Variants in TSPAN14 observed in about 807,000 individuals in gnomAD.
TSPAN14 encodes the protein tetraspanin 14, also known as tetraspanin-14.
TSPAN14 carries 16 observed loss-of-function variants against 36.6 expected under a neutral mutation model. That is an observed-to-expected ratio of 0.44 (90% CI 0.30 to 0.66). TSPAN14 has a LOEUF of 0.66. Ranked by LOEUF, TSPAN14 falls within the 30% of genes least tolerant of loss-of-function variation. The probability of loss-of-function intolerance (pLI) is 0.12; values close to 1 mark genes in which losing one functional copy is unlikely to be tolerated. For missense variants in TSPAN14, 231 were observed against 355.1 expected (o/e 0.65, Z 2.81); for synonymous variants, 139 against 143.8 (o/e 0.97, Z 0.24).
chr10:80,465,515 C>T (rs1490857675), intron 1 of TSPAN14, among the ~76,000 whole-genome samples: 2 of 152,234 alleles, frequency 1.3e-5, no homozygotes, highest in Admixed American at 6.5e-5. Flanking sequence ...GGCATGGCAG[C>T]CCCCTGGCTG....
chr10:80,476,409 G>GTTTTTTTTTTTTTTTTTTTTTTTTTTTT, intron 1 of TSPAN14, among the ~76,000 whole-genome samples: 1 of 85,046 alleles, frequency 1.2e-5, no homozygotes, highest in African/African-American at 4.2e-5. Flanking sequence ...TTGTTTTACT[G>GTTTTTTTTTTTTTTTTTTTTTTTTTTTT]TTTTTTTTTT....
chr10:80,498,063 A>G (rs895149207), intron 2 of TSPAN14, among the ~76,000 whole-genome samples: 3 of 152,214 alleles, frequency 2.0e-5, no homozygotes, highest in Non-Finnish European at 2.9e-5. Flanking sequence ...CACAGGACAG[A>G]TAACTGCAGC....
At chr10:80,504,607 C>CT (rs1840187050) in intron 2 of TSPAN14, 121 bp from the exon 3 acceptor site, 4 of 1,139,094 alleles carry the variant, frequency 3.5e-6, no homozygotes, top group Non-Finnish European at 5.2e-6. Context: ...GCCTGAGGGG[C>CT]CATGTGGGAT....
chr10:80,501,581 C>A (rs555525874), intron 2 of TSPAN14, among the ~76,000 whole-genome samples: 14 of 152,140 alleles, frequency 9.2e-5, no homozygotes, highest in Non-Finnish European at 1.5e-4. Context: ...CCCATGTGGC[C>A]CCACAGGATG....
At position 80,479,763 on chromosome 10, in the gene TSPAN14, C is replaced by G. The variant is rs556836949; in HGVS notation, c.-17-9454C>G. Among the ~76,000 whole-genome samples the G allele has an allele frequency of 5.2e-3, 781 of 151,378 alleles. 8 individuals carry two copies. The highest frequency in any genetic ancestry group is 0.018 in the African/African-American group (742 of 41,014). ...CTTTGTTCTTTTGGCTTAGGATTGACTTGGCGATGCGGGCTCTTTTTTGGT... is the reference window on the plus strand; with the variant it reads ...CTTTGTTCTTTTGGCTTAGGATTGAGTTGGCGATGCGGGCTCTTTTTTGGT... On this transcript the variant is annotated intron_variant, in intron 1 of 8. Coordinates refer to ENST00000429989, the Ensembl canonical transcript of TSPAN14.
At chr10:80,490,093 A>C (rs539717840) in intron 2 of TSPAN14, among the ~76,000 whole-genome samples, 1 of 152,360 alleles carries the variant, frequency 6.6e-6, no homozygotes, top group African/African-American at 2.4e-5. Context: ...ATTACTTTCT[A>C]CTGCTTTAAA....
chr10:80,504,820 A>C, intron 3 of TSPAN14, 42 bp downstream of exon 3: 1 of 1,611,376 alleles, frequency 6.2e-7, no homozygotes, highest in Non-Finnish European at 8.5e-7. Context: ...CAGGCAGCCA[A>C]AACCAGATTC....
rs574843913 is a variant in TSPAN14 at position 80,521,352 on chromosome 10, CCTGTCA to C, written c.*3378_*3383del. 358 of 158,812 alleles carry C rather than the reference CCTGTCA, an allele frequency of 2.3e-3. 3 individuals are homozygous for C. The highest frequency in any genetic ancestry group is 2.1e-3 in the Admixed American group (36 of 16,996). The allele number at this position is 158,812 out of a possible 1,614,324, so 9.8% of individuals were successfully genotyped here. A position where few individuals can be genotyped will look rare whatever the true frequency, so the allele number is the denominator to read the frequency against. On this transcript the variant is annotated 3_prime_UTR_variant, in exon 9 of 9. Transcript: ENST00000429989. ...TCCGCCCAAATGTCAGATGCATCAG[CCTGTCA>C]CCCGCTGGTCCAGAGCTTTCAGCTG...
intron 1 of TSPAN14, among the ~76,000 whole-genome samples, chr10:80,478,494 G>A (rs1247600210): frequency 6.6e-6 from 1 of 152,200 alleles, no homozygotes; most frequent in Non-Finnish European, 1.5e-5. Context: ...CTATGGAGGG[G>A]CCTGTGGAAT....
intron 2 of TSPAN14, among the ~76,000 whole-genome samples, chr10:80,496,023 G>C (rs994292641): frequency 6.6e-6 from 1 of 152,016 alleles, no homozygotes; most frequent in Non-Finnish European, 1.5e-5. Flanking sequence ...AGGTGGTAGT[G>C]TCTCTGTTGT....
chr10:80,503,409 G>C (rs1292746504), intron 2 of TSPAN14, among the ~76,000 whole-genome samples: 1 of 152,136 alleles, frequency 6.6e-6, no homozygotes, highest in Non-Finnish European at 1.5e-5. Flanking sequence ...TGAGTGAGGA[G>C]TGAATGAATG....
chr10:80,518,208 CAG>C, exon 9 of TSPAN14: 1 of 573,588 alleles, frequency 1.7e-6, no homozygotes, highest in Non-Finnish European at 3.1e-6. Context: ...TACCCAGAGA[CAG>C]AGAATGTGTC....
At chr10:80,485,139 A>G (rs1847517048) in intron 1 of TSPAN14, among the ~76,000 whole-genome samples, 1 of 152,144 alleles carries the variant, frequency 6.6e-6, no homozygotes, top group Admixed American at 6.5e-5. Flanking sequence ...CTGGAATGGT[A>G]CCTAACATTT....
At chr10:80,479,384 T>C (rs1007663980) in intron 1 of TSPAN14, among the ~76,000 whole-genome samples, 42 of 152,176 alleles carry the variant, frequency 2.8e-4, no homozygotes, top group African/African-American at 9.1e-4. Context: ...ATGTCCTGAA[T>C]GGTAATGCCT....
intron 1 of TSPAN14, among the ~76,000 whole-genome samples, chr10:80,485,424 T>C (rs973377786): frequency 6.6e-6 from 1 of 152,140 alleles, no homozygotes; most frequent in South Asian, 2.1e-4. Flanking sequence ...CCCTAGTAGC[T>C]CCGTTGGTGG....
At chr10:80,518,518 A>G (rs1318638673) in exon 9 of TSPAN14, 1 of 164,860 alleles carries the variant, frequency 6.1e-6, no homozygotes. Flanking sequence ...CTGCTGGGAC[A>G]TGCACATATC....
chr10:80,522,582 CTT>C (rs886313695), exon 9 of TSPAN14: 3 of 152,236 alleles, frequency 2.0e-5, no homozygotes, highest in African/African-American at 7.2e-5. Context: ...TTAAACTAGT[CTT>C]TTTAAAAAGT....
chr10:80,462,279 G>A (rs1178654282), intron 1 of TSPAN14, among the ~76,000 whole-genome samples: 2 of 151,258 alleles, frequency 1.3e-5, no homozygotes, highest in Non-Finnish European at 2.9e-5. Flanking sequence ...TGTGGTCTGG[G>A]CGGTCTTTGA....
At chr10:80,473,552 C>T (rs945632733) in intron 1 of TSPAN14, among the ~76,000 whole-genome samples, 6 of 152,052 alleles carry the variant, frequency 3.9e-5, no homozygotes, top group African/African-American at 1.2e-4. Context: ...CACACTGTGC[C>T]AGGGCAGTGT....
Sources: allele counts gnomAD v4.1 joint callset (sites outside exome capture counted in the v4.1 genomes callset), GRCh38; gene constraint gnomAD v4.1.1; transcripts MANE v1.5; gene names NCBI Gene and HGNC (gene_info 2026-07-23, HGNC 2026-07-21).